Variants in MYBPC3 observed in about 807,000 individuals in gnomAD.
The protein encoded by MYBPC3 is myosin-binding protein C, cardiac-type.
In MYBPC3, 108 loss-of-function variants were observed where a neutral mutation model predicts 159.3. The ratio of observed to expected loss-of-function variants is 0.68; its 90% confidence interval spans 0.58 to 0.80. MYBPC3 has a LOEUF of 0.80. Ranked by LOEUF, MYBPC3 falls within the 30% of genes least tolerant of loss-of-function variation. The pLI is 0.00. For missense variants in MYBPC3, 1,631 were observed against 1,762.1 expected, an observed-to-expected ratio of 0.93 and a Z score of 1.33; for synonymous variants, 730 against 702.0, an observed-to-expected ratio of 1.04 and a Z score of -0.63.
At chr11:47,344,255 T>G (rs11570068) in intron 12 of MYBPC3, among the ~76,000 whole-genome samples, 163 of 152,322 alleles carry the variant, frequency 1.1e-3, no homozygotes, top group African/African-American at 3.8e-3. Flanking sequence ...GTGCCTTCTC[T>G]TCTCTCAGCA....
At chr11:47,337,893 G>GC in intron 23 of MYBPC3, 99 bp from the exon 24 acceptor site, 9 of 899,538 alleles carry the variant, frequency 1.0e-5, no homozygotes, top group Non-Finnish European at 1.5e-5. Flanking sequence ...GCCACAGGCT[G>GC]CCCCCACCAC....
intron 17 of MYBPC3, 136 bp from the exon 18 acceptor site, chr11:47,342,292 C>T: frequency 1.7e-6 from 2 of 1,171,278 alleles, no homozygotes; most frequent in Non-Finnish European, 2.4e-6. Flanking sequence ...ACACGTGTGC[C>T]TGTGTGTGCC....
intron 29 of MYBPC3, 35 bp from the exon 30 acceptor site, chr11:47,333,368 TC>T (rs1271689483): frequency 6.5e-7 from 1 of 1,529,192 alleles, no homozygotes; most frequent in Non-Finnish European, 8.8e-7. Context: ...TCACCACGCC[TC>T]CTGACAGTGA....
intron 22 of MYBPC3, 31 bp downstream of exon 22, chr11:47,339,293 C>T (rs371284367): frequency 1.4e-5 from 23 of 1,609,406 alleles, no homozygotes; most frequent in African/African-American, 8.0e-5. Flanking sequence ...GAAAGACAAA[C>T]GAGCCTCCTC....
At chr11:47,339,591 C>T in intron 21 of MYBPC3, 60 bp downstream of exon 21, 1 of 1,516,740 alleles carries the variant, frequency 6.6e-7, no homozygotes, top group South Asian at 1.3e-5. Context: ...GGTCCTAGCA[C>T]TTGGCTGGTT....
At chr11:47,343,329 G>T in intron 13 of MYBPC3, 67 bp from the exon 14 acceptor site, 1 of 1,513,200 alleles carries the variant, frequency 6.6e-7, no homozygotes, top group East Asian at 2.3e-5. Context: ...CAAAAGGAGA[G>T]AGAGAGAGGG....
chr11:47,347,245 G>A, intron 9 of MYBPC3, 181 bp downstream of exon 9: 1 of 985,364 alleles, frequency 1.0e-6, no homozygotes, highest in Non-Finnish European at 1.2e-6. Context: ...CTGTTGACGG[G>A]ACATAATGTC....
rs747059136 is a variant in MYBPC3, at chr11:47,333,639, G to T, written c.3108C>A (p.Arg1036=). The part of the protein sequence containing the change: ...TDTILFIRAA[R]RVHSGTYQVT... ...CCTGGTAAGTGCCTGAATGCACGCG[G>T]CGAGCGGCCCGGATGAACAGGATGG... The change falls in exon 29 of 35, where the codon CGC becomes CGA. Residue 1036 remains arginine, a synonymous_variant. Coordinates refer to ENST00000545968, the MANE Select transcript of MYBPC3 (RefSeq NM_000256.3). 4 of 1,608,324 alleles carry T rather than the reference G, an allele frequency of 2.5e-6. No individual in the cohort carries two copies. The Admixed American group carries it at 6.7e-5, about 27-fold the overall frequency.
At position 47,346,181 on chromosome 11, in the gene MYBPC3, C is replaced by A. The variant is rs1399892367; in HGVS notation, c.1090+26G>T. ...AGGGAAGGGCTAGCCTGTGCCCTCT[C>A]CTCTCCCCTCTGAGGAAGGGCTAAC... is the stretch of plus-strand genomic sequence containing the variant. On this transcript the variant is annotated intron_variant, in intron 12 of 34. Coordinates refer to ENST00000545968, the MANE Select transcript of MYBPC3 (RefSeq NM_000256.3). The surrounding 1 kb of genome is among the most constrained non-coding windows in gnomAD (Gnocchi z 5.3). 1.2e-6 allele frequency: 2 copies of A among 1,612,934 alleles called. No individual in the cohort carries two copies. The highest frequency in any genetic ancestry group is 1.7e-6 in the Non-Finnish European group (2 of 1,179,610).
chr11:47,342,335 G>T (rs1459368640), intron 17 of MYBPC3, among the ~76,000 whole-genome samples, 179 bp from the exon 18 acceptor site: 1 of 152,236 alleles, frequency 6.6e-6, no homozygotes, highest in African/African-American at 2.4e-5. Flanking sequence ...TGCACATAAG[G>T]AACCTCAAGT....
rs745645848 is a variant in MYBPC3 at position 47,342,945 on chromosome 11, C to T, written c.1352-10G>A. 13 of 1,610,934 alleles carry T rather than the reference C, an allele frequency of 8.1e-6. No individual in the cohort carries two copies. Among genetic ancestry groups the T allele is most frequent in the Non-Finnish European group, 1.0e-5 (12 of 1,178,602 alleles). Reference sequence around the variant, plus strand: ...ATGAGCACAGGGGGCTCTGTCCAGGCAGGGTGAGCATGAGGGTTGGCTCCC... The same window carrying T: ...ATGAGCACAGGGGGCTCTGTCCAGGTAGGGTGAGCATGAGGGTTGGCTCCC... On this transcript the variant is annotated splice_polypyrimidine_tract_variant and intron_variant, in intron 15 of 34. Coordinates refer to ENST00000545968, the MANE Select transcript of MYBPC3 (RefSeq NM_000256.3).
intron 26 of MYBPC3, 133 bp downstream of exon 26, chr11:47,335,744 C>T: frequency 1.4e-6 from 1 of 738,494 alleles, no homozygotes; most frequent in Non-Finnish European, 2.0e-6. Flanking sequence ...GAAAACAGGA[C>T]AGATATTTCT....
At chr11:47,343,997 C>T (rs1395133012) in intron 12 of MYBPC3, among the ~76,000 whole-genome samples, 1 of 152,186 alleles carries the variant, frequency 6.6e-6, no homozygotes, top group Non-Finnish European at 1.5e-5. Flanking sequence ...CCATGTTGGC[C>T]GGGCTGGTCT....
At chr11:47,348,201 A>G (rs1174564291) in intron 6 of MYBPC3, among the ~76,000 whole-genome samples, 1 of 152,048 alleles carries the variant, frequency 6.6e-6, no homozygotes, top group Non-Finnish European at 1.5e-5. Flanking sequence ...AAGATGATAA[A>G]ACAGAGTCCC....
rs2095884349 is a variant in MYBPC3, at chr11:47,338,081, C to T, written c.2309-287G>A. Among the ~76,000 whole-genome samples the T allele has an allele frequency of 6.6e-6, 1 of 151,326 alleles. No individual in the cohort carries two copies. The highest frequency in any genetic ancestry group is 1.5e-5 in the Non-Finnish European group (1 of 67,910). On this transcript the variant is annotated intron_variant, in intron 23 of 34. Coordinates refer to ENST00000545968, the MANE Select transcript of MYBPC3 (RefSeq NM_000256.3). This position sits in a 1 kb window ranked among gnomAD's most constrained non-coding sequence, Gnocchi z 4.7. ...TTTAAGGCTTCTCACTGCCCATATTCACCCCTGTCCTGGCTCTGATCCTCC... is the reference window on the plus strand; with the variant it reads ...TTTAAGGCTTCTCACTGCCCATATTTACCCCTGTCCTGGCTCTGATCCTCC...
intron 34 of MYBPC3, 22 bp downstream of exon 34, chr11:47,331,823 C>G (rs753177551): frequency 9.4e-6 from 15 of 1,593,312 alleles, no homozygotes; most frequent in Non-Finnish European, 1.3e-5. Flanking sequence ...GACTTGTGCC[C>G]TGGGTGTCGG....
rs730880700 is a variant in MYBPC3 at position 47,351,293 on chromosome 11, C to A, written c.238G>T (p.Ala80Ser). 3.8e-6 allele frequency: 6 copies of A among 1,569,720 alleles called. No individual in the cohort carries two copies. Among genetic ancestry groups the A allele is most frequent in the East Asian group, 2.4e-5 (1 of 42,266 alleles). ...EVGPADQGSY[A>S]VIAGSSKVKF... ...ACCTTGGAGGAGCCAGCAATGACTG[C>A]GTAAGATCCCTGGTCGGCAGGGCCC... Residue 80 changes from alanine to serine, a missense_variant, in exon 2 of 35, where the codon GCA becomes TCA. By Grantham distance (99) the Ala-to-Ser change is moderately conservative. Transcript: ENST00000545968. This position sits in a 1 kb window ranked among gnomAD's most constrained non-coding sequence, Gnocchi z 4.2.
Position 47,332,785 on chromosome 11 carries a change from C to T in MYBPC3, c.3490+29G>A. On this transcript the variant is annotated intron_variant, in intron 31 of 34. Transcript: ENST00000545968. The surrounding 1 kb of genome is among the most constrained non-coding windows in gnomAD (Gnocchi z 4.2). Reference sequence around the variant, plus strand: ...GTTCCCACAGCCTCCCTGCCCCAGCCCCTGGTTGGAAGAATGAGGGTACAG... The same window carrying T: ...GTTCCCACAGCCTCCCTGCCCCAGCTCCTGGTTGGAAGAATGAGGGTACAG... 1 of 1,593,204 alleles carries T rather than the reference C, an allele frequency of 6.3e-7. No individual in the cohort carries two copies. Among genetic ancestry groups the T allele is most frequent in the Non-Finnish European group, 8.6e-7 (1 of 1,169,184 alleles).
chr11:47,347,805 G>A, intron 7 of MYBPC3, 52 bp downstream of exon 7: 4 of 1,550,160 alleles, frequency 2.6e-6, no homozygotes, highest in Non-Finnish European at 3.5e-6. Context: ...GACCCTGAAG[G>A]GCCTCAGACT....
Sources: allele counts gnomAD v4.1 joint callset (sites outside exome capture counted in the v4.1 genomes callset), GRCh38; gene constraint gnomAD v4.1.1; non-coding constraint Gnocchi (gnomAD v3.1); transcripts MANE v1.5; gene names NCBI Gene and HGNC (gene_info 2026-07-23, HGNC 2026-07-21).